TMIGD3: variants seen among roughly 807,000 people sequenced by gnomAD.
The protein encoded by TMIGD3 is AD026 protein (AD026).
A neutral mutation model predicts 28.1 loss-of-function variants in TMIGD3; 21 were observed. The ratio of observed to expected loss-of-function variants is 0.75; its 90% CI spans 0.53 to 1.08. TMIGD3 has a LOEUF of 1.08. TMIGD3 is among the 50% of genes least tolerant of loss of function. The probability of loss-of-function intolerance (pLI) is 0.00; values close to 1 mark genes in which losing one functional copy is unlikely to be tolerated. For synonymous variants in TMIGD3, 151 were observed against 162.1 expected (o/e 0.93, Z 0.52); for missense variants, 416 against 435.6 (o/e 0.96, Z 0.40).
chr1:111,488,601 T>C (rs763580231), intron 3 of TMIGD3, 76 bp downstream of exon 3: 7 of 1,384,530 alleles, frequency 5.1e-6, no homozygotes, highest in Non-Finnish European at 4.0e-6. Flanking sequence ...CTCACTGGCT[T>C]CAGAGAGTGC....
chr1:111,522,823 A>T (rs1196960736), intron 1 of TMIGD3, among the ~76,000 whole-genome samples: 1 of 152,020 alleles, frequency 6.6e-6, no homozygotes, highest in Non-Finnish European at 1.5e-5. Context: ...GCTGGTATTG[A>T]TCTTAAATTT....
At chr1:111,508,437 C>T (rs189900015), upstream of TMIGD3, among the ~76,000 whole-genome samples, 54 of 152,232 alleles carry the variant, frequency 3.5e-4, no homozygotes, top group Middle Eastern at 0.014. Flanking sequence ...AGGCTGCTGC[C>T]GAGAAAGAAA....
At position 111,503,300 on chromosome 1, in the gene TMIGD3, C is replaced by T; in HGVS notation, c.55G>A (p.Glu19Lys). Residue 19 changes from glutamate to lysine, a missense_variant, in exon 1 of 6, where the codon GAA (glutamate) becomes AAA (lysine). Coordinates refer to ENST00000369716, the MANE Select transcript of TMIGD3 (RefSeq NM_020683.7). ...ATGGCGCAGAGTCCAATGAAAATTTCCATGGTGATGTAGGTAACATTGGCC... is the reference window on the plus strand; with the variant it reads ...ATGGCGCAGAGTCCAATGAAAATTTTCATGGTGATGTAGGTAACATTGGCC... ...SLANVTYITM[E>K]IFIGLCAIVG... The T allele has an allele frequency of 6.2e-7, 1 of 1,614,120 alleles. No homozygotes were observed. Among genetic ancestry groups the T allele is most frequent in the Non-Finnish European group, 8.5e-7 (1 of 1,180,004 alleles).
At chr1:111,502,399 T>C (rs186671000) in intron 1 of TMIGD3, among the ~76,000 whole-genome samples, 2,382 of 121,130 alleles carry the variant, frequency 0.02, 243 homozygotes, top group East Asian at 0.086. Context: ...ATAGGATACA[T>C]ATATTTATTA....
At chr1:111,534,008 C>A (rs1656538143) in intron 1 of TMIGD3, among the ~76,000 whole-genome samples, 3 of 152,132 alleles carry the variant, frequency 2.0e-5, no homozygotes, top group Non-Finnish European at 4.4e-5. Context: ...CTATTAGTAT[C>A]CACTTCATAG....
intron 1 of TMIGD3, among the ~76,000 whole-genome samples, chr1:111,539,158 G>T (rs558378921): frequency 2.0e-5 from 3 of 152,272 alleles, no homozygotes; most frequent in African/African-American, 4.8e-5. Context: ...TGGATATGTT[G>T]TGTGATGCTG....
At chr1:111,502,684 G>T (rs1037453646) in intron 1 of TMIGD3, among the ~76,000 whole-genome samples, 2 of 150,534 alleles carry the variant, frequency 1.3e-5, no homozygotes, top group Non-Finnish European at 2.9e-5. Context: ...TTCTAAAACT[G>T]AAGAGCATTT....
At chr1:111,545,414 A>G (rs1657000221) in intron 1 of TMIGD3, among the ~76,000 whole-genome samples, 1 of 152,134 alleles carries the variant, frequency 6.6e-6, no homozygotes, top group Admixed American at 6.5e-5. Flanking sequence ...GATCATTTGT[A>G]TATTTTCTTT....
chr1:111,520,670 A>C (rs1489093184), intron 1 of TMIGD3, among the ~76,000 whole-genome samples: 1 of 152,244 alleles, frequency 6.6e-6, no homozygotes, highest in Non-Finnish European at 1.5e-5. Context: ...TTCATTCAGG[A>C]ATCCTGAAAT....
chr1:111,526,146 AG>A (rs1656253228), intron 1 of TMIGD3, among the ~76,000 whole-genome samples: 1 of 152,070 alleles, frequency 6.6e-6, no homozygotes, highest in African/African-American at 2.4e-5. Context: ...AGCAAAATTG[AG>A]TGGTAAGTAC....
intron 1 of TMIGD3, among the ~76,000 whole-genome samples, chr1:111,543,422 G>A (rs975631351): frequency 6.6e-6 from 1 of 152,058 alleles, no homozygotes; most frequent in African/African-American, 2.4e-5. Context: ...CCGTCTATTC[G>A]CCACTCAGCA....
intron 1 of TMIGD3, among the ~76,000 whole-genome samples, chr1:111,532,761 G>A (rs771872621): frequency 1.2e-4 from 19 of 152,192 alleles, no homozygotes; most frequent in Non-Finnish European, 1.9e-4. Flanking sequence ...TTGCCTAACC[G>A]TGGCTTGTAC....
chr1:111,549,649 C>CA (rs370585012), intron 1 of TMIGD3, among the ~76,000 whole-genome samples: 3,923 of 94,354 alleles, frequency 0.042, 132 homozygotes, highest in African/African-American at 0.11. Flanking sequence ...GACTCTGTTT[C>CA]AAAAAAAAAA....
At chr1:111,542,284 C>A in intron 1 of TMIGD3, 1 of 572,032 alleles carries the variant, frequency 1.7e-6, no homozygotes, top group South Asian at 1.4e-5. Context: ...TCAGACCTGC[C>A]GGTTCGAACA....
chr1:111,508,920 C>A (rs1335720022), intron 1 of TMIGD3, among the ~76,000 whole-genome samples: 1 of 152,216 alleles, frequency 6.6e-6, no homozygotes, highest in Non-Finnish European at 1.5e-5. Flanking sequence ...CGTGGTGAAA[C>A]CCCGTCTCGA....
At chr1:111,505,227 A>G (rs943722129), upstream of TMIGD3, among the ~76,000 whole-genome samples, 8 of 152,030 alleles carry the variant, frequency 5.3e-5, no homozygotes, top group Admixed American at 4.6e-4. Context: ...ACCCCAGTAC[A>G]TAGGTGAGTT....
At chr1:111,504,284 T>C (rs542116064), upstream of TMIGD3, among the ~76,000 whole-genome samples, 2 of 152,264 alleles carry the variant, frequency 1.3e-5, no homozygotes, top group East Asian at 1.9e-4. Flanking sequence ...GTCCAACCTA[T>C]GTGAGGAACG....
intron 1 of TMIGD3, among the ~76,000 whole-genome samples, chr1:111,562,231 A>C (rs531636645): frequency 5.3e-5 from 8 of 152,026 alleles, no homozygotes; most frequent in African/African-American, 1.9e-4. Context: ...TTCTTCCCCT[A>C]TGTTCCACAT....
upstream of TMIGD3, among the ~76,000 whole-genome samples, chr1:111,507,009 ATGTGTG>A (rs1257817741): frequency 2.7e-4 from 36 of 132,180 alleles, no homozygotes; most frequent in African/African-American, 4.0e-4. Context: ...ACACACACAT[ATGTGTG>A]TGTGTGTGTG....
Sources: gnomAD v4.1 joint callset for allele counts (sites outside exome capture counted in the v4.1 genomes callset) on GRCh38, gnomAD v4.1.1 for gene constraint, MANE v1.5 for transcripts, NCBI Gene and HGNC (gene_info 2026-07-23, HGNC 2026-07-21) for gene names.